Variants in FAM210A observed in about 807,000 individuals in gnomAD.
FAM210A encodes mitochondrial inner membrane scaffold 1.
In FAM210A, 13 loss-of-function variants were observed where a neutral mutation model predicts 25.3. The ratio of observed to expected loss-of-function variants is 0.51; its 90% CI spans 0.33 to 0.82. The LOEUF (loss-of-function observed/expected upper bound fraction) is 0.82, where lower values mean the gene tolerates loss of function less well. Ranked by LOEUF, FAM210A falls within the 40% of genes least tolerant of loss-of-function variation. The pLI is 0.02. For synonymous variants in FAM210A, 125 were observed against 118.7 expected (o/e 1.05, Z -0.35); for missense variants, 319 against 323.2 (o/e 0.99, Z 0.10).
chr18:13,690,216 G>A lies in FAM210A; in HGVS notation c.-28-8111C>T, dbSNP rs137986044. Among the ~76,000 whole-genome samples the A allele has an allele frequency of 7.7e-3, 1,178 of 152,334 alleles. 7 individuals carry two copies. Among genetic ancestry groups the A allele is most frequent in the Middle Eastern group, 0.02 (6 of 294 alleles). On this transcript the variant is annotated intron_variant, in intron 1 of 3. Coordinates refer to ENST00000651643, the MANE Select transcript of FAM210A (RefSeq NM_152352.4). The stretch of plus-strand genomic sequence containing the variant: ...CAGTGAGGCTGGGGGAGGGGCATCC[G>A]CCATTGCTGAGGCTTGAGTAGGAAA...
In FAM210A at chr18:13,672,072, T is replaced by G. The variant is rs2043448086; in HGVS notation, c.474-99A>C. 4 of 848,966 alleles carry G rather than the reference T, an allele frequency of 4.7e-6. No homozygotes were observed. The East Asian group carries it at 1.1e-4, about 24-fold the overall frequency. The allele number at this position is 848,966 out of a possible 1,614,324, so 52.6% of individuals were successfully genotyped here. A position where few individuals can be genotyped will look rare whatever the true frequency, so the allele number is the denominator to read the frequency against. The stretch of plus-strand genomic sequence containing the variant: ...AAAACCACACTATAATTTTATTAAA[T>G]TTTGCTTAAAAGTTGATTCTACATT... On this transcript the variant is annotated intron_variant, in intron 2 of 3. Coordinates refer to ENST00000651643, the MANE Select transcript of FAM210A (RefSeq NM_152352.4).
intron 1 of FAM210A, among the ~76,000 whole-genome samples, chr18:13,693,696 C>T (rs1384169115): frequency 1.3e-5 from 2 of 152,052 alleles, no homozygotes; most frequent in African/African-American, 2.4e-5. Context: ...ATTCAACAGC[C>T]CTTCATGCTA....
intron 1 of FAM210A, among the ~76,000 whole-genome samples, chr18:13,717,845 T>C (rs2043872769): frequency 6.6e-6 from 1 of 152,148 alleles, no homozygotes; most frequent in African/African-American, 2.4e-5. Flanking sequence ...AAGGACTTCA[T>C]CTTAGCAGAC....
intron 1 of FAM210A, among the ~76,000 whole-genome samples, chr18:13,699,556 G>A (rs2043722228): frequency 3.3e-5 from 5 of 151,900 alleles, no homozygotes; most frequent in Admixed American, 3.3e-4. Flanking sequence ...TATCTTTTCA[G>A]AGGATCTAAG....
intron 2 of FAM210A, among the ~76,000 whole-genome samples, chr18:13,678,932 T>C (rs2043526427): frequency 6.6e-6 from 1 of 152,218 alleles, no homozygotes; most frequent in African/African-American, 2.4e-5. Context: ...GACCACATCA[T>C]CATTGCTGAG....
chr18:13,698,812 C>T (rs545603290), intron 1 of FAM210A, among the ~76,000 whole-genome samples: 3 of 152,140 alleles, frequency 2.0e-5, no homozygotes, highest in South Asian at 4.2e-4. Context: ...CAAGGCATAC[C>T]GCCCAGACCC....
rs28375165 is a variant in FAM210A at position 13,673,509 on chromosome 18, C to T, written c.474-1536G>A. On this transcript the variant is annotated intron_variant, in intron 2 of 3. Transcript: ENST00000651643. ...CCTGATTATTAACATTCCTAAGCCC[C>T]GGCTTCTTGATTTCCAGTTTCCTGA... Among the ~76,000 whole-genome samples, 5 of 147,902 alleles carry T rather than the reference C, an allele frequency of 3.4e-5. No homozygotes were observed. In the South Asian group the frequency reaches 8.7e-4, roughly 26 times the overall value.
At chr18:13,671,443 C>T (rs138911419) in intron 3 of FAM210A, among the ~76,000 whole-genome samples, 71 of 152,208 alleles carry the variant, frequency 4.7e-4, no homozygotes, top group African/African-American at 1.5e-3. Context: ...ATGACTACTA[C>T]CATGGAAAAT....
At chr18:13,684,472 G>A (rs913907985) in intron 1 of FAM210A, among the ~76,000 whole-genome samples, 2 of 151,994 alleles carry the variant, frequency 1.3e-5, no homozygotes, top group African/African-American at 4.8e-5. Context: ...TTGATTATAA[G>A]AGTTAAAGAG....
In FAM210A at chr18:13,726,470, G is replaced by C. The variant is rs561162148; in HGVS notation, c.-170C>G. Reference sequence around the variant, plus strand: ...TGCAGGAACCCGCCGGGCTCAGCCGGACGCTAGCCCCCTGCCGCCCCCGGC... The same window carrying C: ...TGCAGGAACCCGCCGGGCTCAGCCGCACGCTAGCCCCCTGCCGCCCCCGGC... On this transcript the variant is annotated 5_prime_UTR_variant, in exon 1 of 4. Transcript: ENST00000651643. The C allele has an allele frequency of 6.5e-6, 1 of 152,718 alleles. No individual in the cohort carries two copies. The highest frequency in any genetic ancestry group is 2.0e-4 in the South Asian group (1 of 4,924). The allele number at this position is 152,718 out of a possible 1,614,324, so 9.5% of individuals were successfully genotyped here.
At chr18:13,687,200 G>A (rs973338328) in intron 1 of FAM210A, among the ~76,000 whole-genome samples, 1 of 152,180 alleles carries the variant, frequency 6.6e-6, no homozygotes, top group Non-Finnish European at 1.5e-5. Flanking sequence ...TGGCCAAGGG[G>A]ACCCTGGTGA....
At chr18:13,678,040 G>A (rs1041708675) in intron 2 of FAM210A, among the ~76,000 whole-genome samples, 1 of 152,050 alleles carries the variant, frequency 6.6e-6, no homozygotes, top group African/African-American at 2.4e-5. Flanking sequence ...AATAAACTAC[G>A]AGTCCAATCT....
At chr18:13,668,108 G>T (rs1178813769) in intron 3 of FAM210A, among the ~76,000 whole-genome samples, 4 of 152,184 alleles carry the variant, frequency 2.6e-5, no homozygotes, top group African/African-American at 9.7e-5. Flanking sequence ...ACAAAACTTT[G>T]AAAGAGCTGT....
At chr18:13,717,544 G>A (rs1164997303) in intron 1 of FAM210A, among the ~76,000 whole-genome samples, 8 of 151,412 alleles carry the variant, frequency 5.3e-5, no homozygotes, top group Non-Finnish European at 1.2e-4. Flanking sequence ...TTGGTCAGCT[G>A]CATGACAGAC....
Position 13,718,582 on chromosome 18 carries a change from T to C in FAM210A, c.-29+7747A>G, listed in dbSNP as rs191915297. Among the ~76,000 whole-genome samples, 410 of 152,198 alleles carry C rather than the reference T, an allele frequency of 2.7e-3. 3 individuals are homozygous for C. Among genetic ancestry groups the C allele is most frequent in the African/African-American group, 9.4e-3 (389 of 41,536 alleles). ...AGTGAATTTCCCACATCTTCACAAA[T>C]TGCTCATATGTATAAATTGTGTCTT... is the stretch of plus-strand genomic sequence containing the variant. On this transcript the variant is annotated intron_variant, in intron 1 of 3. Transcript: ENST00000651643.
intron 1 of FAM210A, among the ~76,000 whole-genome samples, chr18:13,697,863 C>G (rs1473135530): frequency 6.6e-6 from 1 of 152,126 alleles, no homozygotes; most frequent in African/African-American, 2.4e-5. Context: ...GTGGCACCTT[C>G]ATACAAACAG....
intron 2 of FAM210A, among the ~76,000 whole-genome samples, chr18:13,676,628 A>C (rs1282812695): frequency 6.6e-6 from 1 of 152,258 alleles, no homozygotes; most frequent in Non-Finnish European, 1.5e-5. Flanking sequence ...CATACACAAT[A>C]GTCTACAGTT....
chr18:13,706,466 C>T (rs1247968691), intron 1 of FAM210A, among the ~76,000 whole-genome samples: 1 of 152,022 alleles, frequency 6.6e-6, no homozygotes, highest in East Asian at 1.9e-4. Flanking sequence ...AACACGAAGC[C>T]CCAATGTAGG....
chr18:13,688,274 T>G (rs2043614186), intron 1 of FAM210A, among the ~76,000 whole-genome samples: 1 of 152,198 alleles, frequency 6.6e-6, no homozygotes, highest in African/African-American at 2.4e-5. Context: ...TGGTTCTTTC[T>G]GAATGTCTTT....
Sources: allele counts gnomAD v4.1 joint callset (sites outside exome capture counted in the v4.1 genomes callset), GRCh38; gene constraint gnomAD v4.1.1; transcripts MANE v1.5; gene names NCBI Gene and HGNC (gene_info 2026-07-23, HGNC 2026-07-21).